The following AASS variants were observed in gnomAD, a reference collection of about 807,000 sequenced individuals.
The protein encoded by AASS is aminoadipate-semialdehyde synthase.
In AASS, 86 loss-of-function variants were observed where a neutral mutation model predicts 105.4. The ratio of observed to expected loss-of-function variants is 0.82; its 90% CI spans 0.69 to 0.98. The LOEUF (loss-of-function observed/expected upper bound fraction) is 0.98. Ranked by LOEUF, AASS falls within the 50% of genes least tolerant of loss-of-function variation. The probability of loss-of-function intolerance (pLI) is 0.00; values close to 1 mark genes in which losing one functional copy is unlikely to be tolerated. For missense variants in AASS, 1,048 were observed against 1,143.2 expected, an observed-to-expected ratio of 0.92 and a Z score of 1.20; for synonymous variants, 381 against 394.8, an observed-to-expected ratio of 0.96 and a Z score of 0.41.
chr7:122,114,932 G>T, intron 9 of AASS, 142 bp downstream of exon 9: 1 of 1,065,634 alleles, frequency 9.4e-7, no homozygotes, highest in Non-Finnish European at 1.4e-6. Context: ...GGTTAACAGT[G>T]TTGAGTACTG....
chr7:122,104,569 G>A (rs992360293), intron 11 of AASS, among the ~76,000 whole-genome samples: 1 of 152,102 alleles, frequency 6.6e-6, no homozygotes, highest in Non-Finnish European at 1.5e-5. Context: ...ACCAGCCTAG[G>A]TGACAGAGCA....
chr7:122,076,346 G>T lies in AASS; in HGVS notation c.*143C>A, dbSNP rs1373402501. On this transcript the variant is annotated 3_prime_UTR_variant, in exon 24 of 24. Coordinates refer to ENST00000417368, the MANE Select transcript of AASS (RefSeq NM_005763.4). ...CCAAACATTTCCATATTAAAATAAA[G>T]ATTTATAGTTCAAAAAGTACATTGT... The T allele has an allele frequency of 1.5e-6, 1 of 679,314 alleles. No individual in the cohort carries two copies. Among genetic ancestry groups the T allele is most frequent in the Non-Finnish European group, 2.6e-6 (1 of 380,968 alleles). The allele number at this position is 679,314 out of a possible 1,614,324, so 42.1% of individuals were successfully genotyped here.
At chr7:122,079,178 G>A in intron 21 of AASS, 3 of 1,425,208 alleles carry the variant, frequency 2.1e-6, no homozygotes, top group Non-Finnish European at 1.8e-6. Flanking sequence ...GCAGGGCAGA[G>A]ATGATGGATT....
chr7:122,078,546 A>G (rs1039542363), intron 22 of AASS, among the ~76,000 whole-genome samples: 4 of 151,924 alleles, frequency 2.6e-5, no homozygotes, highest in African/African-American at 9.7e-5. Flanking sequence ...TGGGAGGCAG[A>G]GGTACAGTGA....
At chr7:122,144,002 C>A (rs1344499049) in intron 1 of AASS, among the ~76,000 whole-genome samples, 159 bp downstream of exon 1, 1 of 152,176 alleles carries the variant, frequency 6.6e-6, no homozygotes, top group Non-Finnish European at 1.5e-5. Flanking sequence ...CTCTCTCGGC[C>A]CGGCCGGGGT....
intron 6 of AASS, among the ~76,000 whole-genome samples, chr7:122,117,799 G>A (rs1251567060): frequency 6.6e-6 from 1 of 152,002 alleles, no homozygotes; most frequent in Non-Finnish European, 1.5e-5. Context: ...GGGATTATGG[G>A]TGTGCGTCAC....
chr7:122,121,268 G>C (rs1245129053), intron 4 of AASS, among the ~76,000 whole-genome samples: 1 of 151,982 alleles, frequency 6.6e-6, no homozygotes, highest in African/African-American at 2.4e-5. Context: ...AAATAAACTT[G>C]TTACAAAAGT....
intron 4 of AASS, among the ~76,000 whole-genome samples, chr7:122,120,988 G>A (rs1402033237): frequency 6.6e-6 from 1 of 151,878 alleles, no homozygotes; most frequent in Non-Finnish European, 1.5e-5. Flanking sequence ...GGAGTTTTTA[G>A]GCCATTAATG....
chr7:122,136,007 G>A (rs969850937), intron 1 of AASS, among the ~76,000 whole-genome samples: 2 of 152,158 alleles, frequency 1.3e-5, no homozygotes, highest in African/African-American at 4.8e-5. Flanking sequence ...CATTTCAGAT[G>A]ATGATTTGCT....
At chr7:122,130,280 G>A (rs1795851170) in intron 2 of AASS, among the ~76,000 whole-genome samples, 1 of 151,944 alleles carries the variant, frequency 6.6e-6, no homozygotes, top group African/African-American at 2.4e-5. Flanking sequence ...AATGAAGATG[G>A]CAAACACAAG....
At chr7:122,092,344 C>G (rs1179154033) in intron 17 of AASS, among the ~76,000 whole-genome samples, 1 of 152,104 alleles carries the variant, frequency 6.6e-6, no homozygotes, top group Non-Finnish European at 1.5e-5. Flanking sequence ...ACAGAATCTT[C>G]AAGGTAGTCT....
At chr7:122,136,730 C>A (rs1796157455) in intron 1 of AASS, among the ~76,000 whole-genome samples, 1 of 152,142 alleles carries the variant, frequency 6.6e-6, no homozygotes. Flanking sequence ...GACTACATAC[C>A]CCTGTAACTT....
Position 122,077,852 on chromosome 7 carries a change from T to C in AASS, c.2648A>G (p.Lys883Arg). Residue 883 changes from lysine (K) to arginine (R), a missense_variant, in exon 23 of 24, where the codon AAA (lysine) becomes AGA (arginine). By Grantham distance (26) the Lys-to-Arg change is conservative (BLOSUM62 2). Transcript: ENST00000417368. ...AACAGACTTACCATCAAGCAACATT[T>C]TGGCTGCCATGGCGGTGGGTAACCC... Reference protein sequence around the residue: ...TVGLPTAMAAKMLLDGEIGAK... With the variant: ...TVGLPTAMAARMLLDGEIGAK... The C allele has an allele frequency of 6.2e-7, 1 of 1,614,206 alleles. No individual in the cohort carries two copies.
chr7:122,117,805 G>A (rs971216939), intron 6 of AASS, among the ~76,000 whole-genome samples: 4 of 151,924 alleles, frequency 2.6e-5, no homozygotes, highest in East Asian at 1.9e-4. Context: ...ATGGGTGTGC[G>A]TCACCATGCC....
At chr7:122,129,329 A>G (rs1334387940) in intron 3 of AASS, 32 bp downstream of exon 3, 4 of 1,396,434 alleles carry the variant, frequency 2.9e-6, no homozygotes, top group Non-Finnish European at 3.8e-6. Flanking sequence ...ATTTTTCTAC[A>G]TTAATATTTA....
chr7:122,098,307 T>C (rs1024929257), intron 15 of AASS, 143 bp downstream of exon 15: 4 of 797,420 alleles, frequency 5.0e-6, no homozygotes, highest in African/African-American at 3.5e-5. Flanking sequence ...TATATACTTA[T>C]GATTTGTGCA....
At chr7:122,115,314 A>G (rs1427970265) in intron 8 of AASS, 92 bp from the exon 9 acceptor site, 3 of 1,469,462 alleles carry the variant, frequency 2.0e-6, no homozygotes, top group African/African-American at 1.4e-5. Context: ...TCTATGAGAA[A>G]TAATTAAATG....
chr7:122,140,662 T>C (rs1018880462), intron 1 of AASS, among the ~76,000 whole-genome samples: 2 of 151,940 alleles, frequency 1.3e-5, no homozygotes, highest in Non-Finnish European at 2.9e-5. Flanking sequence ...ATTTTAGATA[T>C]TTAAAATAAT....
At chr7:122,118,481 T>A in intron 5 of AASS, 28 bp from the exon 6 acceptor site, 1 of 1,614,136 alleles carries the variant, frequency 6.2e-7, no homozygotes, top group Non-Finnish European at 8.5e-7. Flanking sequence ...CAACTCAAGT[T>A]AGTCCACCAG....
Sources: allele counts gnomAD v4.1 joint callset (sites outside exome capture counted in the v4.1 genomes callset), GRCh38; gene constraint gnomAD v4.1.1; transcripts MANE v1.5; gene names NCBI Gene and HGNC (gene_info 2026-07-23, HGNC 2026-07-21).